PUDP: variants seen among roughly 807,000 people sequenced by gnomAD.
The protein encoded by PUDP is pseudouridine 5'-phosphatase.
Under a neutral mutation model 9.4 loss-of-function variants are expected in PUDP, and 8 were observed. The ratio of observed to expected loss-of-function variants is 0.85; its 90% CI spans 0.50 to 1.53. PUDP has a LOEUF of 1.53. Ranked by LOEUF, PUDP falls within the 40% of genes most tolerant of loss-of-function variation. PUDP has a pLI of 0.00. For synonymous variants in PUDP, 99 were observed against 80.7 expected (o/e 1.23, Z -1.22); for missense variants, 188 against 189.7 (o/e 0.99, Z 0.05).
At chrX:7,147,858 G>A in intron 1 of PUDP, 195 bp downstream of exon 1, 1 of 185,822 alleles carries the variant, frequency 5.4e-6, no homozygotes, top group Non-Finnish European at 1.0e-5. Context: ...CCGCCAGCCC[G>A]GACATGGGCC....
At chrX:6,914,463 C>T (rs1056121603) in intron 3 of PUDP, among the ~76,000 whole-genome samples, 1 of 111,746 alleles carries the variant, frequency 8.9e-6, no homozygotes, top group Non-Finnish European at 1.9e-5. Flanking sequence ...GGTATTTTGA[C>T]AAGGACTCTC....
chrX:6,957,335 G>T (rs1381811542), intron 3 of PUDP, among the ~76,000 whole-genome samples: 1 of 110,341 alleles, frequency 9.1e-6, no homozygotes, highest in Non-Finnish European at 1.9e-5. Flanking sequence ...CTTATGAATG[G>T]ATTAATGCCC....
At chrX:7,135,813 C>T (rs749771709) in intron 1 of PUDP, among the ~76,000 whole-genome samples, 11 of 111,087 alleles carry the variant, frequency 9.9e-5, no homozygotes, top group Admixed American at 1.9e-4. Context: ...TATACCTGCA[C>T]GCAACACACC....
At chrX:6,855,203 G>A (rs948695583) in intron 3 of PUDP, among the ~76,000 whole-genome samples, 3 of 110,868 alleles carry the variant, frequency 2.7e-5, no homozygotes, top group African/African-American at 9.8e-5. Context: ...AATAGTAAAT[G>A]TATTTTCTCT....
At chrX:6,920,068 C>T (rs1441399661) in intron 3 of PUDP, among the ~76,000 whole-genome samples, 1 of 108,646 alleles carries the variant, frequency 9.2e-6, no homozygotes, top group Non-Finnish European at 1.9e-5. Flanking sequence ...TTTACCTCTC[C>T]TAGAATCAAT....
intron 3 of PUDP, among the ~76,000 whole-genome samples, chrX:6,948,345 T>C (rs1013873284): frequency 7.2e-5 from 8 of 111,860 alleles, no homozygotes; most frequent in Non-Finnish European, 1.5e-4. Context: ...ATGCAGAGGC[T>C]GAGAGATTGA....
At chrX:6,862,518 A>C (rs1335454393) in intron 3 of PUDP, among the ~76,000 whole-genome samples, 1 of 112,338 alleles carries the variant, frequency 8.9e-6, no homozygotes, top group African/African-American at 3.2e-5. Context: ...ACATAAAATG[A>C]GTCATTAAAG....
intron 3 of PUDP, among the ~76,000 whole-genome samples, chrX:6,794,665 G>A (rs1228371383): frequency 1.8e-5 from 2 of 108,359 alleles, no homozygotes; most frequent in African/African-American, 6.7e-5. Flanking sequence ...CTGCCTCCCG[G>A]GCTCAAGCCT....
intron 3 of PUDP, among the ~76,000 whole-genome samples, chrX:7,073,863 A>G (rs1190603536): frequency 8.8e-6 from 1 of 113,130 alleles, no homozygotes; most frequent in Non-Finnish European, 1.9e-5. Context: ...AATGACTTTT[A>G]AAAAATGCAA....
At chrX:7,077,133 A>G (rs922319896) in intron 3 of PUDP, 87 bp downstream of exon 3, 1 of 1,135,519 alleles carries the variant, frequency 8.8e-7, no homozygotes, top group Non-Finnish European at 1.2e-6. Flanking sequence ...ACAAACCACA[A>G]CTTTTCACAT....
intron 2 of PUDP, among the ~76,000 whole-genome samples, chrX:7,097,625 A>G (rs1162507451): frequency 1.8e-5 from 2 of 111,330 alleles, no homozygotes; most frequent in Non-Finnish European, 3.8e-5. Context: ...CAAATGGATG[A>G]CATACTCCAT....
chrX:6,733,598 A>ATGGTAT (rs758387627), intron 3 of PUDP, among the ~76,000 whole-genome samples: 11 of 109,376 alleles, frequency 1.0e-4, no homozygotes, highest in African/African-American at 3.3e-4. Context: ...AGGCTTCTGC[A>ATGGTAT]GGAATCCAGA....
Position 7,057,686 on chromosome X carries a change from G to A in PUDP, c.511-7214C>T, listed in dbSNP as rs181579235. On this transcript the variant is annotated intron_variant, in intron 3 of 3. Coordinates refer to ENST00000381077, the MANE Select transcript of PUDP (RefSeq NM_012080.5). ...AAGGCTCGGGGTCTCCATGCACTGT[G>A]GCTGTGAGCTGGAGGTGCGGTCAGG... 6.6e-5 allele frequency: 76 copies of A among 1,149,268 alleles called. No individual in the cohort carries two copies. In the East Asian group the frequency reaches 2.4e-3, roughly 36 times the overall value. The allele number at this position is 1,149,268 out of a possible 1,213,427, so 94.7% of individuals were successfully genotyped here. A position where few individuals can be genotyped will look rare whatever the true frequency, so the allele number is the denominator to read the frequency against.
chrX:6,747,830 G>C (rs1925018889), intron 3 of PUDP, among the ~76,000 whole-genome samples: 1 of 112,089 alleles, frequency 8.9e-6, no homozygotes, highest in African/African-American at 3.2e-5. Flanking sequence ...AAGAATAGTA[G>C]TGATTGAATC....
chrX:6,710,101 C>T (rs1924514771), intron 1 of PUDP, among the ~76,000 whole-genome samples: 1 of 111,808 alleles, frequency 8.9e-6, no homozygotes, highest in African/African-American at 3.3e-5. Flanking sequence ...CCAGCCTGGG[C>T]GATAGAGCAA....
At chrX:6,745,744 A>C (rs1209523913) in intron 3 of PUDP, among the ~76,000 whole-genome samples, 2 of 111,625 alleles carry the variant, frequency 1.8e-5, no homozygotes, top group African/African-American at 6.5e-5. Context: ...CCTGGGCATG[A>C]GCAATCTTCC....
At chrX:7,006,232 T>G (rs1480528315) in intron 1 of PUDP, among the ~76,000 whole-genome samples, 1 of 111,848 alleles carries the variant, frequency 8.9e-6, no homozygotes, top group African/African-American at 3.3e-5. Context: ...TACCTCTAGT[T>G]TTAGTTTTCT....
intron 1 of PUDP, among the ~76,000 whole-genome samples, chrX:6,714,878 T>C (rs1324292580): frequency 9.0e-6 from 1 of 111,412 alleles, no homozygotes; most frequent in East Asian, 2.8e-4. Context: ...TCAGAACTTA[T>C]GTGTCCTAAA....
At position 7,050,262 on chromosome X, in the gene PUDP, G is replaced by A; in HGVS notation, c.*34C>T. On this transcript the variant is annotated 3_prime_UTR_variant, in exon 4 of 4. Transcript: ENST00000381077. ...TCCCCCAGCAGTGTGGACCATGAGA[G>A]TGGGCTGGGGGCGGAAGACTGAGGC... 8.4e-7 allele frequency: 1 copy of A among 1,186,220 alleles called. No homozygotes were observed. The highest frequency in any genetic ancestry group is 1.1e-6 in the Non-Finnish European group (1 of 875,652).
Sources: gnomAD v4.1 joint callset for allele counts (sites outside exome capture counted in the v4.1 genomes callset) on GRCh38, gnomAD v4.1.1 for gene constraint, MANE v1.5 for transcripts, NCBI Gene and HGNC (gene_info 2026-07-23, HGNC 2026-07-21) for gene names.